Variants in COL6A6 observed in about 807,000 individuals in gnomAD.
COL6A6 encodes collagen type VI alpha 6 chain.
In COL6A6, 183 loss-of-function variants were observed where a neutral mutation model predicts 208.6. That is an observed-to-expected ratio of 0.88 (90% CI 0.78 to 0.99). The LOEUF is 0.99. Ranked by LOEUF, COL6A6 falls within the 50% of genes least tolerant of loss-of-function variation. The pLI is 0.00. For synonymous variants in COL6A6, 973 were observed against 1,011.8 expected (o/e 0.96, Z 0.73); for missense variants, 2,816 against 2,815.2 (o/e 1.00, Z -0.01).
chr3:130,603,277 C>T (rs1039961257), intron 20 of COL6A6, among the ~76,000 whole-genome samples: 21 of 152,162 alleles, frequency 1.4e-4, no homozygotes, highest in Non-Finnish European at 2.5e-4. Context: ...GCTAGGCCTC[C>T]GCCCATTAGC....
intron 36 of COL6A6, among the ~76,000 whole-genome samples, chr3:130,672,900 T>G (rs2066254806): frequency 6.6e-6 from 1 of 151,086 alleles, no homozygotes; most frequent in South Asian, 2.1e-4. Context: ...TCCCAGCTAC[T>G]TGGGAGGCTG....
intron 28 of COL6A6, among the ~76,000 whole-genome samples, chr3:130,639,437 C>T (rs377100224): frequency 2.6e-5 from 4 of 152,230 alleles, no homozygotes; most frequent in Middle Eastern, 3.4e-3. Context: ...TCACGCCTAT[C>T]ATCCCAGCAC....
Position 130,524,168 on chromosome 3 carries a change from G to T in COL6A6, c.-32+6771G>T, listed in dbSNP as rs375766889. On this transcript the variant is annotated intron_variant, in intron 1 of 36. Coordinates refer to ENST00000358511, the MANE Select transcript of COL6A6 (RefSeq NM_001102608.3). ...AAGCACTAAACAAGTTCCTCAGCTT[G>T]CACTGGTGAATGATGAAGGCAGAGA... is the stretch of plus-strand genomic sequence containing the variant. 4.6e-5 allele frequency among the ~76,000 whole-genome samples: 7 copies of T among 152,330 alleles called. No homozygotes were observed. In the East Asian group the frequency reaches 7.7e-4, roughly 17 times the overall value.
chr3:130,595,868 C>A (rs1328615749), intron 18 of COL6A6, among the ~76,000 whole-genome samples: 4 of 152,080 alleles, frequency 2.6e-5, no homozygotes, highest in African/African-American at 4.8e-5. Flanking sequence ...CTCAGATTGT[C>A]TTTACAGTCA....
chr3:130,538,220 A>G (rs2062270497), intron 1 of COL6A6, among the ~76,000 whole-genome samples: 1 of 152,186 alleles, frequency 6.6e-6, no homozygotes, highest in South Asian at 2.1e-4. Context: ...AAAAAATTAT[A>G]CCTACTTTAC....
chr3:130,516,974 C>T (rs150763948), upstream of COL6A6, among the ~76,000 whole-genome samples: 103 of 152,280 alleles, frequency 6.8e-4, 1 homozygote, highest in East Asian at 0.017. Context: ...ACGGTCGGGA[C>T]CTTAGGGTAG....
In COL6A6 at chr3:130,662,369, A is replaced by T. The variant is rs142550293; in HGVS notation, c.6502+61A>T. 1,224 of 1,481,606 alleles carry T rather than the reference A, an allele frequency of 8.3e-4. 8 individuals are homozygous for T. The African/African-American group carries it at 0.015, about 18-fold the overall frequency. 91.8% of individuals were successfully genotyped at this position (1,481,606 alleles called of 1,614,324 possible). A position where few individuals can be genotyped will look rare whatever the true frequency, so the allele number is the denominator to read the frequency against. ...GAATATACTTGGTATTACTAAAAAA[A>T]GGTTGATGAGCTAACATGGATACTT... On this transcript the variant is annotated intron_variant, in intron 35 of 36. Transcript: ENST00000358511.
chr3:130,621,934 A>G (rs933166215), intron 24 of COL6A6, 51 bp downstream of exon 24: 25 of 1,467,256 alleles, frequency 1.7e-5, no homozygotes, highest in Non-Finnish European at 2.4e-5. Flanking sequence ...TGCTCAAGAG[A>G]ACTGTGTCTA....
At position 130,568,609 on chromosome 3, in the gene COL6A6, G is replaced by C. The variant is rs755573018; in HGVS notation, c.2401+5G>C. 6.3e-7 allele frequency: 1 copy of C among 1,589,758 alleles called. No homozygotes were observed. Among genetic ancestry groups the C allele is most frequent in the African/African-American group, 1.3e-5 (1 of 74,660 alleles). ...GAATATGCAGCCCCCGTGAAGGTAG[G>C]CATGGGCATACTCACTAGCAGGACT... is the stretch of plus-strand genomic sequence containing the variant. On this transcript the variant is annotated splice_donor_5th_base_variant and intron_variant, in intron 6 of 36. Coordinates refer to ENST00000358511, the MANE Select transcript of COL6A6 (RefSeq NM_001102608.3).
chr3:130,622,308 G>C (rs1447893958), intron 24 of COL6A6, among the ~76,000 whole-genome samples: 1 of 148,412 alleles, frequency 6.7e-6, no homozygotes, highest in Non-Finnish European at 1.5e-5. Context: ...TGAAGAATCA[G>C]CTCCAGGAGA....
At chr3:130,531,997 C>G (rs2062109490) in intron 1 of COL6A6, among the ~76,000 whole-genome samples, 1 of 152,122 alleles carries the variant, frequency 6.6e-6, no homozygotes, top group Non-Finnish European at 1.5e-5. Context: ...TGAAATATGA[C>G]TTTTGAAAAA....
intron 6 of COL6A6, among the ~76,000 whole-genome samples, chr3:130,570,419 C>T (rs749483126): frequency 1.3e-5 from 2 of 152,022 alleles, no homozygotes; most frequent in South Asian, 2.1e-4. Context: ...ATCTCAAGAT[C>T]GTGGCTAAAA....
At chr3:130,651,528 G>T (rs1386238636) in intron 33 of COL6A6, among the ~76,000 whole-genome samples, 1 of 151,396 alleles carries the variant, frequency 6.6e-6, no homozygotes, top group Non-Finnish European at 1.5e-5. Flanking sequence ...AATCTAGGTT[G>T]TAAAGGAGCT....
intron 33 of COL6A6, 71 bp from the exon 34 acceptor site, chr3:130,658,605 C>G (rs1195344439): frequency 2.2e-5 from 21 of 961,008 alleles, no homozygotes; most frequent in Non-Finnish European, 3.3e-5. Flanking sequence ...GATGTCAGTT[C>G]TCTATGTAGT....
chr3:130,646,435 G>C (rs951757306), intron 32 of COL6A6: 1 of 152,466 alleles, frequency 6.6e-6, no homozygotes, highest in East Asian at 1.9e-4. Flanking sequence ...TTAGCTGGGC[G>C]TGGTGGCACA....
intron 28 of COL6A6, among the ~76,000 whole-genome samples, chr3:130,636,010 G>C (rs554906603): frequency 1.3e-5 from 2 of 152,314 alleles, no homozygotes; most frequent in East Asian, 1.9e-4. Flanking sequence ...CTTAACACTG[G>C]TAATAAGATT....
At chr3:130,614,521 C>T (rs552044224) in intron 23 of COL6A6, among the ~76,000 whole-genome samples, 5 of 152,252 alleles carry the variant, frequency 3.3e-5, no homozygotes, top group African/African-American at 4.8e-5. Flanking sequence ...ATGCTGGCCT[C>T]GTAGAATGAG....
chr3:130,636,704 A>T (rs2065118868), intron 28 of COL6A6, among the ~76,000 whole-genome samples: 1 of 148,692 alleles, frequency 6.7e-6, no homozygotes, highest in Admixed American at 6.8e-5. Context: ...GGGGTACAAA[A>T]TAAGGAAACT....
In COL6A6 at chr3:130,565,388, T is replaced by C; in HGVS notation, c.1056T>C (p.Ala352=). 6.2e-7 allele frequency: 1 copy of C among 1,612,964 alleles called. No individual in the cohort carries two copies. The highest frequency in any genetic ancestry group is 8.5e-7 in the Non-Finnish European group (1 of 1,179,734). ...CAGAAGACAACGTGACAAAAGCAGC[T>C]GTTAACCTCCGACGGGAGGGTGTGA... ...RDSEDNVTKA[A]VNLRREGVTI... is the part of the protein sequence containing the mutation. Residue 352 remains alanine, a synonymous_variant, in exon 4 of 37, where the codon GCT becomes GCC. Coordinates refer to ENST00000358511, the MANE Select transcript of COL6A6 (RefSeq NM_001102608.3).
Sources: gnomAD v4.1 joint callset for allele counts (sites outside exome capture counted in the v4.1 genomes callset) on GRCh38, gnomAD v4.1.1 for gene constraint, MANE v1.5 for transcripts, NCBI Gene and HGNC (gene_info 2026-07-23, HGNC 2026-07-21) for gene names.